The following FILIP1 variants were observed in gnomAD, a reference collection of about 807,000 sequenced individuals.
FILIP1 encodes filamin-A-interacting protein 1.
Under a neutral mutation model 102.1 loss-of-function variants are expected in FILIP1, and 61 were observed. The observed-to-expected ratio is 0.60, with a 90% CI of 0.49 to 0.74. FILIP1 has a LOEUF of 0.74. Among genes scored for constraint, FILIP1 ranks in the 30% least tolerant of loss-of-function variants. FILIP1 has a pLI of 0.00. For synonymous variants in FILIP1, 491 were observed against 526.9 expected, an observed-to-expected ratio of 0.93 and a Z score of 0.93; for missense variants, 1,314 against 1,441.2, an observed-to-expected ratio of 0.91 and a Z score of 1.43.
intron 1 of FILIP1, among the ~76,000 whole-genome samples, chr6:75,484,954 CA>C (rs1779742908): frequency 6.6e-6 from 1 of 151,886 alleles, no homozygotes; most frequent in Non-Finnish European, 1.5e-5. Context: ...TGTTGTGTAC[CA>C]AAAGAAATTT....
Position 75,308,310 on chromosome 6 carries a change from G to C in FILIP1, c.*381C>G. The C allele has an allele frequency of 2.0e-6, 2 of 1,003,374 alleles. No individual in the cohort carries two copies. Among genetic ancestry groups the C allele is most frequent in the Non-Finnish European group, 1.2e-6 (1 of 839,832 alleles). 62.2% of individuals were successfully genotyped at this position (1,003,374 alleles called of 1,614,324 possible). A position where few individuals can be genotyped will look rare whatever the true frequency, so the allele number is the denominator to read the frequency against. Reference sequence around the variant, plus strand: ...ATTTTTTTAATAAAAAATTATTGTGGAACAAGGTACATTAAATTTGGCTTG... The same window carrying C: ...ATTTTTTTAATAAAAAATTATTGTGCAACAAGGTACATTAAATTTGGCTTG... On this transcript the variant is annotated 3_prime_UTR_variant, in exon 6 of 6. Transcript: ENST00000237172.
chr6:75,410,170 C>T (rs1045925878), intron 2 of FILIP1, among the ~76,000 whole-genome samples: 20 of 152,268 alleles, frequency 1.3e-4, no homozygotes, highest in African/African-American at 4.6e-4. Context: ...CATATACAGT[C>T]ACCCCATAAA....
chr6:75,485,280 T>C (rs1303988643), intron 1 of FILIP1, among the ~76,000 whole-genome samples: 3 of 152,192 alleles, frequency 2.0e-5, no homozygotes, highest in Non-Finnish European at 2.9e-5. Context: ...GCAAACAGTA[T>C]ATTTGCTTCA....
intron 3 of FILIP1, among the ~76,000 whole-genome samples, chr6:75,359,862 G>A (rs1562499243): frequency 6.6e-6 from 1 of 152,134 alleles, no homozygotes; most frequent in Non-Finnish European, 1.5e-5. Context: ...GGGCTTCCTA[G>A]GCCTGGGAAC....
At chr6:75,291,916 A>G (rs941029662) in exon 7 of FILIP1, 1 of 152,254 alleles carries the variant, frequency 6.6e-6, no homozygotes, top group African/African-American at 2.4e-5. Flanking sequence ...ATATTGCACA[A>G]TGCTTTAATA....
In FILIP1 at chr6:75,318,023, G is replaced by GT. The variant is rs765655066; in HGVS notation, c.630-2822dup. On this transcript the variant is annotated intron_variant, in intron 4 of 5. Transcript: ENST00000237172. ...AGTTCATGTCCAGTCAGTCTCTCCC[G>GT]TTATCTAACATTCCTTGCAAATGCT... Among the ~76,000 whole-genome samples the GT allele has an allele frequency of 7.9e-5, 12 of 152,120 alleles. No homozygotes were observed. In the East Asian group the frequency reaches 1.5e-3, roughly 20 times the overall value.
At chr6:75,452,708 A>G (rs960330422) in intron 1 of FILIP1, among the ~76,000 whole-genome samples, 1 of 152,246 alleles carries the variant, frequency 6.6e-6, no homozygotes, top group Admixed American at 6.5e-5. Flanking sequence ...TTGTGACTAT[A>G]GTATATAAGT....
In FILIP1 at chr6:75,308,489, A is replaced by G; in HGVS notation, c.*202T>C. 7.1e-7 allele frequency: 1 copy of G among 1,404,846 alleles called. No individual in the cohort carries two copies. The highest frequency in any genetic ancestry group is 9.2e-7 in the Non-Finnish European group (1 of 1,081,792). The allele number at this position is 1,404,846 out of a possible 1,614,324, so 87.0% of individuals were successfully genotyped here. A position where few individuals can be genotyped will look rare whatever the true frequency, so the allele number is the denominator to read the frequency against. ...ACCACGCCCTGGCTTCTAGGCAGCA[A>G]GCAATAGTTTTGCTAATTTTGTTCC... On this transcript the variant is annotated 3_prime_UTR_variant, in exon 6 of 6. Transcript: ENST00000237172.
chr6:75,318,174 C>A (rs915507034), intron 4 of FILIP1, among the ~76,000 whole-genome samples: 1 of 151,304 alleles, frequency 6.6e-6, no homozygotes, highest in African/African-American at 2.4e-5. Flanking sequence ...CTTCTTCAAA[C>A]CCAATTAAGT....
chr6:75,428,747 G>T (rs1345862669), intron 1 of FILIP1, among the ~76,000 whole-genome samples: 1 of 152,174 alleles, frequency 6.6e-6, no homozygotes, highest in East Asian at 1.9e-4. Flanking sequence ...GTCCCTGCTT[G>T]AGAGTTTAGA....
At position 75,313,396 on chromosome 6, in the gene FILIP1, A is replaced by G. The variant is rs1773285201; in HGVS notation, c.2436T>C (p.Gly812=). 1 of 1,614,150 alleles carries G rather than the reference A, an allele frequency of 6.2e-7. No individual in the cohort carries two copies. The highest frequency in any genetic ancestry group is 8.5e-7 in the Non-Finnish European group (1 of 1,180,030). The change falls in exon 5 of 6, where the codon GGT becomes GGC. Residue 812 remains glycine, a synonymous_variant. Transcript: ENST00000237172. This position sits in a 1 kb window ranked among gnomAD's most constrained non-coding sequence, Gnocchi z 4.2. ...STGVQTDAVS[G]EAAEEETPAV... is the part of the protein sequence containing the mutation. Reference sequence around the variant, plus strand: ...CTGGCGTTTCTTCCTCTGCTGCTTCACCGCTGACTGCATCAGTTTGGACTC... The same window carrying G: ...CTGGCGTTTCTTCCTCTGCTGCTTCGCCGCTGACTGCATCAGTTTGGACTC...
chr6:75,338,293 A>G (rs1774308513), intron 4 of FILIP1, among the ~76,000 whole-genome samples: 1 of 152,234 alleles, frequency 6.6e-6, no homozygotes, highest in South Asian at 2.1e-4. Flanking sequence ...CTTGGCTAAG[A>G]GTTCACATCC....
In FILIP1 at chr6:75,313,848, G is replaced by C; in HGVS notation, c.1984C>G (p.Gln662Glu). The C allele has an allele frequency of 6.2e-7, 1 of 1,614,060 alleles. No homozygotes were observed. The highest frequency in any genetic ancestry group is 8.5e-7 in the Non-Finnish European group (1 of 1,180,000). ...DLMKTEDEYDQLEQKFRTEQD... is the reference protein window; with the variant it reads ...DLMKTEDEYDELEQKFRTEQD... ...TCAGTTCTAAATTTCTGTTCCAGCT[G>C]ATCATACTCATCTTCTGTCTTCATC... Residue 662 changes from glutamine to glutamate, a missense_variant, in exon 5 of 6, where the codon CAG (glutamine) becomes GAG (glutamate). Gln to Glu is a conservative substitution (Grantham distance 29). Coordinates refer to ENST00000237172, the MANE Select transcript of FILIP1 (RefSeq NM_015687.5). This position sits in a 1 kb window ranked among gnomAD's most constrained non-coding sequence, Gnocchi z 4.2.
intron 2 of FILIP1, among the ~76,000 whole-genome samples, chr6:75,390,902 T>A (rs762608195): frequency 1.1e-4 from 16 of 152,160 alleles, no homozygotes; most frequent in Non-Finnish European, 2.4e-4. Context: ...TCTTAGATGA[T>A]ATTTCTGATG....
intron 2 of FILIP1, among the ~76,000 whole-genome samples, chr6:75,366,760 C>T (rs1775352727): frequency 6.6e-6 from 1 of 152,112 alleles, no homozygotes; most frequent in Admixed American, 6.5e-5. Context: ...TTTTCCCTAA[C>T]CAAATATAAC....
rs548779961 is a variant in FILIP1 at position 75,319,423 on chromosome 6, G to A, written c.630-4221C>T. 2.1e-5 allele frequency: 13 copies of A among 621,466 alleles called. No individual in the cohort carries two copies. In the East Asian group the frequency reaches 4.8e-4, roughly 23 times the overall value. The allele number at this position is 621,466 out of a possible 1,614,324, so 38.5% of individuals were successfully genotyped here. On this transcript the variant is annotated intron_variant, in intron 4 of 5. Coordinates refer to ENST00000237172, the MANE Select transcript of FILIP1 (RefSeq NM_015687.5). ...AACTTCTTTTTTGTCTCCCCTTTAGGAGGGCTATAGATTTCATTTCTCTTT... is the reference window on the plus strand; with the variant it reads ...AACTTCTTTTTTGTCTCCCCTTTAGAAGGGCTATAGATTTCATTTCTCTTT...
At chr6:75,336,321 G>A (rs912223830) in intron 4 of FILIP1, among the ~76,000 whole-genome samples, 2 of 152,104 alleles carry the variant, frequency 1.3e-5, no homozygotes, top group African/African-American at 4.8e-5. Flanking sequence ...ATAGGGATAT[G>A]GGTTTTAACT....
chr6:75,472,680 ATTTTTC>A (rs1213459713), intron 1 of FILIP1, among the ~76,000 whole-genome samples: 6 of 152,072 alleles, frequency 3.9e-5, no homozygotes, highest in African/African-American at 1.4e-4. Context: ...GAATGTACTA[ATTTTTC>A]TTTTTCTATT....
At chr6:75,319,625 T>C (rs1177702445) in intron 4 of FILIP1, 25 of 426,634 alleles carry the variant, frequency 5.9e-5, no homozygotes, top group Non-Finnish European at 1.1e-4. Flanking sequence ...GGTCAGGAGA[T>C]CGAGACCATC....
Sources: gnomAD v4.1 joint callset for allele counts (sites outside exome capture counted in the v4.1 genomes callset) on GRCh38, gnomAD v4.1.1 for gene constraint, Gnocchi (gnomAD v3.1) non-coding constraint, MANE v1.5 for transcripts, NCBI Gene and HGNC (gene_info 2026-07-23, HGNC 2026-07-21) for gene names.